UCN3: variants seen among roughly 807,000 people sequenced by gnomAD.
UCN3 encodes urocortin-3.
Under a neutral mutation model 3.6 loss-of-function variants are expected in UCN3, and 3 were observed. That is an observed-to-expected ratio of 0.83 (90% CI 0.38 to 2.15). The LOEUF (loss-of-function observed/expected upper bound fraction) is 2.15, where lower values mean the gene tolerates loss of function less well. Among genes scored for constraint, UCN3 ranks in the 30% most tolerant of loss-of-function variants. The pLI is 0.06. For synonymous variants in UCN3, 100 were observed against 93.2 expected, an observed-to-expected ratio of 1.07 and a Z score of -0.42; for missense variants, 206 against 208.3, an observed-to-expected ratio of 0.99 and a Z score of 0.07.
rs782134903 is a variant in UCN3, at chr10:5,373,705, T to A, written c.-6-10T>A. The A allele has an allele frequency of 1.2e-6, 2 of 1,611,174 alleles. No individual in the cohort carries two copies. Among genetic ancestry groups the A allele is most frequent in the African/African-American group, 2.7e-5 (2 of 74,798 alleles). ...CATGCCCCTGCCCACATCCCTCTTT[T>A]CTGCTGCAGGGAGAGATGCTGATGC... is the stretch of plus-strand genomic sequence containing the variant. On this transcript the variant is annotated splice_polypyrimidine_tract_variant and intron_variant, in intron 1 of 1. Transcript: ENST00000380433.
Position 5,365,610 on chromosome 10 carries a change from G to A in UCN3, c.-7+380G>A, listed in dbSNP as rs181786618. On this transcript the variant is annotated intron_variant, in intron 1 of 1. Transcript: ENST00000380433. This position sits in a 1 kb window ranked among gnomAD's most constrained non-coding sequence, Gnocchi z 4.4. ...GGGGTAGGGATGCCGGGGCTAATGG[G>A]AGCCACAGGACATGACTCCACGCCG... Among the ~76,000 whole-genome samples the A allele has an allele frequency of 1.1e-3, 166 of 152,316 alleles. 1 individual carries two copies. Among genetic ancestry groups the A allele is most frequent in the African/African-American group, 3.7e-3 (153 of 41,556 alleles).
In UCN3 at chr10:5,365,687, C is replaced by CTTCA. The variant is rs1588397361; in HGVS notation, c.-7+458_-7+461dup. Among the ~76,000 whole-genome samples the CTTCA allele has an allele frequency of 1.3e-5, 2 of 152,188 alleles. No homozygotes were observed. The highest frequency in any genetic ancestry group is 3.9e-4 in the East Asian group (2 of 5,180). On this transcript the variant is annotated intron_variant, in intron 1 of 1. Coordinates refer to ENST00000380433, the MANE Select transcript of UCN3 (RefSeq NM_053049.4). This position sits in a 1 kb window ranked among gnomAD's most constrained non-coding sequence, Gnocchi z 4.4. ...CTTACTGTTTACCTGTGCCACAAAC[C>CTTCA]TTCACCTGTGCCATCTCCCGTCACT...
At chr10:5,370,920 C>CGTGTGTATATGTGTGTGTTTATGT (rs1228555166) in intron 1 of UCN3, among the ~76,000 whole-genome samples, 14,626 of 106,914 alleles carry the variant, frequency 0.14, 1,553 homozygotes, top group Admixed American at 0.23. Context: ...TGTGTATATG[C>CGTGTGTATATGTGTGTGTTTATGT]GTGTGTATAT....
Position 5,373,768 on chromosome 10 carries a change from G to A in UCN3, c.48G>A (p.Gly16=). 6.2e-7 allele frequency: 1 copy of A among 1,613,880 alleles called. No individual in the cohort carries two copies. Among genetic ancestry groups the A allele is most frequent in the Non-Finnish European group, 8.5e-7 (1 of 1,179,908 alleles). Residue 16 remains glycine (G), a synonymous_variant, in exon 2 of 2, where the codon GGG becomes GGA. Transcript: ENST00000380433. ...TGCTGCTCCTGCTGCTGCTCCTGGG[G>A]GGCCCCAGGACAGGCCTCCCCCACA... ...HFLLLLLLLL[G]GPRTGLPHKF...
chr10:5,373,702 T>A lies in UCN3; in HGVS notation c.-6-13T>A. On this transcript the variant is annotated splice_polypyrimidine_tract_variant and intron_variant, in intron 1 of 1. Transcript: ENST00000380433. ...TCCCATGCCCCTGCCCACATCCCTC[T>A]TTTCTGCTGCAGGGAGAGATGCTGA... The A allele has an allele frequency of 6.2e-7, 1 of 1,611,044 alleles. No homozygotes were observed. The highest frequency in any genetic ancestry group is 1.3e-5 in the African/African-American group (1 of 74,940).
rs76857313 is a variant in UCN3, at chr10:5,367,331, T to C, written c.-7+2101T>C. On this transcript the variant is annotated intron_variant, in intron 1 of 1. Coordinates refer to ENST00000380433, the MANE Select transcript of UCN3 (RefSeq NM_053049.4). The surrounding 1 kb of genome is among the most constrained non-coding windows in gnomAD (Gnocchi z 4.3). ...AAAACAAAACCAAAAAAGTATGCCA[T>C]ATAAAAGATTTTTTCCTCTGTGATA... is the stretch of plus-strand genomic sequence containing the variant. Among the ~76,000 whole-genome samples the C allele has an allele frequency of 7.5e-3, 1,137 of 152,334 alleles. 24 individuals carry two copies. The East Asian group carries it at 0.082, about 11-fold the overall frequency.
intron 1 of UCN3, among the ~76,000 whole-genome samples, chr10:5,371,380 G>T (rs1461353627): frequency 2.6e-5 from 4 of 152,010 alleles, no homozygotes; most frequent in Non-Finnish European, 4.4e-5. Context: ...GTATGTGGGT[G>T]CATGTGTATG....
At position 5,370,795 on chromosome 10, in the gene UCN3, GTGTGTATA is replaced by G. The variant is rs1564443544; in HGVS notation, c.-6-2914_-6-2907del. On this transcript the variant is annotated intron_variant, in intron 1 of 1. Transcript: ENST00000380433. ...TGTATATGCGTGTGTGTGTGTATGC[GTGTGTATA>G]TGTGTGTGTGCGTGTGTGTGCGCGC... Among the ~76,000 whole-genome samples the G allele has an allele frequency of 4.5e-4, 64 of 141,678 alleles. 7 individuals are homozygous for G. The South Asian group carries it at 0.014, about 31-fold the overall frequency. The allele number at this position is 141,678 out of a possible 152,430, so 92.9% of individuals were successfully genotyped here.
chr10:5,369,682 T>C (rs777531159), intron 1 of UCN3, among the ~76,000 whole-genome samples: 7 of 152,246 alleles, frequency 4.6e-5, no homozygotes, highest in Non-Finnish European at 8.8e-5. Context: ...TGAAAAATAT[T>C]AGTGCATAAA....
At chr10:5,370,279 GTA>G (rs202012159) in intron 1 of UCN3, among the ~76,000 whole-genome samples, 2 of 96,196 alleles carry the variant, frequency 2.1e-5, no homozygotes, top group African/African-American at 4.4e-5. Flanking sequence ...ATATGCGTGT[GTA>G]TATGCGTGTG....
At position 5,372,862 on chromosome 10, in the gene UCN3, A is replaced by G. The variant is rs138846850; in HGVS notation, c.-6-853A>G. On this transcript the variant is annotated intron_variant, in intron 1 of 1. Transcript: ENST00000380433. ...GAGCCACCGTGCCTGGCCAGTTTTT[A>G]TTTTTCTTTTTTTAAATAAAAGAAT... is the stretch of plus-strand genomic sequence containing the variant. Among the ~76,000 whole-genome samples the G allele has an allele frequency of 6.7e-3, 1,017 of 151,134 alleles. 16 individuals are homozygous for G. The highest frequency in any genetic ancestry group is 0.024 in the African/African-American group (983 of 41,170).
At chr10:5,371,636 A>C (rs2119111464) in intron 1 of UCN3, among the ~76,000 whole-genome samples, 1 of 152,202 alleles carries the variant, frequency 6.6e-6, no homozygotes, top group Non-Finnish European at 1.5e-5. Flanking sequence ...GGCCACACTG[A>C]TGAGGAGCTG....
Position 5,370,445 on chromosome 10 carries a change from A to G in UCN3, c.-6-3270A>G, listed in dbSNP as rs797027099. Among the ~76,000 whole-genome samples, 65 of 50,828 alleles carry G rather than the reference A, an allele frequency of 1.3e-3. 6 individuals carry two copies. The highest frequency in any genetic ancestry group is 6.0e-3 in the East Asian group (6 of 994). The allele number at this position is 50,828 out of a possible 152,430, so 33.3% of individuals were successfully genotyped here. Reference sequence around the variant, plus strand: ...TATATGCGTGTGTATATGCGTGTGTATGTGTGTGTGTATATGTGTGTATAT... The same window carrying G: ...TATATGCGTGTGTATATGCGTGTGTGTGTGTGTGTGTATATGTGTGTATAT... On this transcript the variant is annotated intron_variant, in intron 1 of 1. Transcript: ENST00000380433.
At position 5,373,812 on chromosome 10, in the gene UCN3, CCAT is replaced by C. The variant is rs1554811768; in HGVS notation, c.94_96del (p.Ile32del). The C allele has an allele frequency of 6.2e-7, 1 of 1,613,868 alleles. No individual in the cohort carries two copies. The highest frequency in any genetic ancestry group is 8.5e-7 in the Non-Finnish European group (1 of 1,179,960). On this transcript the variant is annotated inframe_deletion, in exon 2 of 2. Transcript: ENST00000380433. ...CCCCACAAGTTCTACAAAGCCAAGCCCATCTTCAGCTGCCTCAACACCGCCCTG... is the reference window on the plus strand; with the variant it reads ...CCCCACAAGTTCTACAAAGCCAAGCCCTTCAGCTGCCTCAACACCGCCCTG...
Position 5,370,850 on chromosome 10 carries a change from C to CGCGTGTGTGTGCGTGTGT in UCN3, c.-6-2864_-6-2847dup. Among the ~76,000 whole-genome samples, 2 of 63,702 alleles carry CGCGTGTGTGTGCGTGTGT rather than the reference C, an allele frequency of 3.1e-5. 1 individual carries two copies. The highest frequency in any genetic ancestry group is 1.8e-3 in the South Asian group (2 of 1,118). 41.8% of individuals were successfully genotyped at this position (63,702 alleles called of 152,430 possible). ...GCGCGTGTGTGTGCGCGTGTGTGTG[C>CGCGTGTGTGTGCGTGTGT]GCGTGTGTGTGCGTGTGTATGTGTG... On this transcript the variant is annotated intron_variant, in intron 1 of 1. Coordinates refer to ENST00000380433, the MANE Select transcript of UCN3 (RefSeq NM_053049.4).
rs1554810619 is a variant in UCN3 at position 5,365,175 on chromosome 10, C to G, written c.-62C>G. 3 of 152,424 alleles carry G rather than the reference C, an allele frequency of 2.0e-5. No homozygotes were observed. Among genetic ancestry groups the G allele is most frequent in the African/African-American group, 7.2e-5 (3 of 41,476 alleles). 9.4% of individuals were successfully genotyped at this position (152,424 alleles called of 1,614,324 possible). On this transcript the variant is annotated 5_prime_UTR_variant, in exon 1 of 2. Coordinates refer to ENST00000380433, the MANE Select transcript of UCN3 (RefSeq NM_053049.4). The surrounding 1 kb of genome is among the most constrained non-coding windows in gnomAD (Gnocchi z 4.4). The stretch of plus-strand genomic sequence containing the variant: ...CGTGCACGGGGCCGCCCTCCTGGCC[C>G]TGAAGCTGCGCCGGCCTCCCTGAGC...
chr10:5,370,917 A>G (rs1486581827), intron 1 of UCN3, among the ~76,000 whole-genome samples: 3 of 131,678 alleles, frequency 2.3e-5, no homozygotes, highest in Admixed American at 8.0e-5. Flanking sequence ...GCGTGTGTAT[A>G]TGCGTGTGTA....
intron 1 of UCN3, among the ~76,000 whole-genome samples, chr10:5,369,025 T>C (rs1000880185): frequency 6.6e-6 from 1 of 152,074 alleles, no homozygotes; most frequent in Admixed American, 6.6e-5. Flanking sequence ...ACTCAGAAAC[T>C]CTTGGGACGG....
chr10:5,374,385 G>T lies in UCN3; in HGVS notation c.*179G>T. ...CTGATCTCTTCTGGCCTTTGACCCTGTCTCCCTCCTGCTCTGTCTGTACAC... is the reference window on the plus strand; with the variant it reads ...CTGATCTCTTCTGGCCTTTGACCCTTTCTCCCTCCTGCTCTGTCTGTACAC... On this transcript the variant is annotated 3_prime_UTR_variant, in exon 2 of 2. Transcript: ENST00000380433. 3 of 634,892 alleles carry T rather than the reference G, an allele frequency of 4.7e-6. No individual in the cohort carries two copies. Among genetic ancestry groups the T allele is most frequent in the East Asian group, 5.7e-5 (2 of 35,294 alleles). The allele number at this position is 634,892 out of a possible 1,614,324, so 39.3% of individuals were successfully genotyped here.
Sources: gnomAD v4.1 joint callset for allele counts (sites outside exome capture counted in the v4.1 genomes callset) on GRCh38, gnomAD v4.1.1 for gene constraint, Gnocchi (gnomAD v3.1) non-coding constraint, MANE v1.5 for transcripts, NCBI Gene and HGNC (gene_info 2026-07-23, HGNC 2026-07-21) for gene names.